Variants in ENTREP2 observed in about 807,000 individuals in gnomAD.
The protein encoded by ENTREP2 is endosomal transmembrane epsin interactor 2, also known as protein ENTREP2.
chr15:29,472,428 A>AC, the ENTREP2 span, among the ~76,000 whole-genome samples: 8 of 140,622 alleles, frequency 5.7e-5, no homozygotes, highest in South Asian at 1.5e-3. Context: ...CACAACACAC[A>AC]ACACACACAC....
the ENTREP2 span, among the ~76,000 whole-genome samples, chr15:29,130,706 C>G: frequency 7.9e-5 from 12 of 152,180 alleles, no homozygotes; most frequent in African/African-American, 2.9e-4. Context: ...GGGAGCCTAT[C>G]TATCACCTCT....
the ENTREP2 span, among the ~76,000 whole-genome samples, chr15:29,468,630 A>G: frequency 3.4e-5 from 5 of 148,480 alleles, no homozygotes; most frequent in Non-Finnish European, 7.4e-5. Flanking sequence ...AAAAAAAAGC[A>G]AGACAGATAA....
At chr15:29,256,010 A>C in the ENTREP2 span, among the ~76,000 whole-genome samples, 1 of 152,176 alleles carries the variant, frequency 6.6e-6, no homozygotes, top group Admixed American at 6.5e-5. Context: ...CAAAAAAAAA[A>C]AAAAAAAAGG....
the ENTREP2 span, among the ~76,000 whole-genome samples, chr15:29,506,768 G>T: frequency 1.3e-5 from 2 of 152,136 alleles, no homozygotes; most frequent in South Asian, 4.2e-4. Flanking sequence ...CACTAAATAT[G>T]GAAAGGAAAA....
At chr15:29,138,339 C>T in the ENTREP2 span, among the ~76,000 whole-genome samples, 1 of 152,216 alleles carries the variant, frequency 6.6e-6, no homozygotes, top group Non-Finnish European at 1.5e-5. Context: ...TTTCTTTCCA[C>T]CTTCACATCT....
At chr15:29,522,918 T>C in the ENTREP2 span, among the ~76,000 whole-genome samples, 4 of 152,142 alleles carry the variant, frequency 2.6e-5, no homozygotes, top group Non-Finnish European at 4.4e-5. Context: ...AAAAAGAGGC[T>C]AACCAAAAAG....
the ENTREP2 span, among the ~76,000 whole-genome samples, chr15:29,214,515 A>C: frequency 2.6e-5 from 4 of 152,144 alleles, no homozygotes; most frequent in South Asian, 8.3e-4. Context: ...AGGAAGGGGA[A>C]TATCACACAC....
chr15:29,278,871 G>A, the ENTREP2 span, among the ~76,000 whole-genome samples: 270 of 152,310 alleles, frequency 1.8e-3, no homozygotes, highest in African/African-American at 6.3e-3. Flanking sequence ...AAACAACAAA[G>A]TGATTCCTCA....
chr15:29,601,119 G>C, the ENTREP2 span, among the ~76,000 whole-genome samples: 1 of 147,684 alleles, frequency 6.8e-6, no homozygotes, highest in Non-Finnish European at 1.5e-5. Context: ...GGATGGTCTC[G>C]ATCTCCTGAC....
chr15:29,444,170 C>CAG, the ENTREP2 span, among the ~76,000 whole-genome samples: 3 of 71,486 alleles, frequency 4.2e-5, no homozygotes, highest in Admixed American at 3.2e-4. Context: ...GAAAGACAGA[C>CAG]AAAGAAAGAA....
At chr15:29,506,342 T>A in the ENTREP2 span, among the ~76,000 whole-genome samples, 2 of 152,090 alleles carry the variant, frequency 1.3e-5, no homozygotes, top group Non-Finnish European at 2.9e-5. Flanking sequence ...CTTCAGGATA[T>A]CATCCAGGAG....
the ENTREP2 span, among the ~76,000 whole-genome samples, chr15:29,154,987 C>T: frequency 3.3e-5 from 5 of 152,298 alleles, no homozygotes; most frequent in East Asian, 1.9e-4. Context: ...ACTTAAGAAG[C>T]GTTAGGCAGA....
the ENTREP2 span, among the ~76,000 whole-genome samples, chr15:29,530,490 C>T: frequency 6.6e-6 from 1 of 152,158 alleles, no homozygotes; most frequent in Non-Finnish European, 1.5e-5. Context: ...ACTAAGGTGC[C>T]CGGCACTGCA....
chr15:29,144,979 G>A, the ENTREP2 span, among the ~76,000 whole-genome samples: 3 of 152,026 alleles, frequency 2.0e-5, no homozygotes, highest in South Asian at 2.1e-4. Flanking sequence ...TCACTTGAAC[G>A]TGGGAGGTGG....
At chr15:29,319,384 T>C in the ENTREP2 span, among the ~76,000 whole-genome samples, 3 of 152,146 alleles carry the variant, frequency 2.0e-5, no homozygotes, top group Non-Finnish European at 2.9e-5. Context: ...GCAGGCTGAG[T>C]GAACAGAGGT....
At chr15:29,267,197 T>C in the ENTREP2 span, 1 of 152,174 alleles carries the variant, frequency 6.6e-6, no homozygotes, top group Admixed American at 6.5e-5. Flanking sequence ...TGACATTCCG[T>C]CCAGTGTTGA....
At chr15:29,241,799 A>T in the ENTREP2 span, among the ~76,000 whole-genome samples, 3 of 152,214 alleles carry the variant, frequency 2.0e-5, no homozygotes, top group Non-Finnish European at 4.4e-5. Flanking sequence ...TTGGGAGGCT[A>T]AGGCCGGAGG....
At chr15:29,173,944 CAAA>C in the ENTREP2 span, among the ~76,000 whole-genome samples, 3 of 78,670 alleles carry the variant, frequency 3.8e-5, no homozygotes, top group African/African-American at 3.8e-5. Flanking sequence ...TCTGGATAGC[CAAA>C]AAAAAAAAAA....
At chr15:29,508,126 T>C in the ENTREP2 span, among the ~76,000 whole-genome samples, 64,761 of 151,682 alleles carry the variant, frequency 0.43, 14,190 homozygotes, top group African/African-American at 0.53. Flanking sequence ...AACACCTCTA[T>C]GCGAATAAGC....
Sources: allele counts gnomAD v4.1 joint callset (sites outside exome capture counted in the v4.1 genomes callset), GRCh38; gene constraint gnomAD v4.1.1; transcripts MANE v1.5; gene names NCBI Gene and HGNC (gene_info 2026-07-23, HGNC 2026-07-21).